EPM2A: variants seen among roughly 807,000 people sequenced by gnomAD.
The protein encoded by EPM2A is laforin.
Under a neutral mutation model 26.5 loss-of-function variants are expected in EPM2A, and 21 were observed. The observed-to-expected ratio is 0.79, with a 90% confidence interval of 0.56 to 1.14. EPM2A has a LOEUF of 1.14. Ranked by LOEUF, EPM2A falls within the 50% of genes most tolerant of loss-of-function variation. EPM2A has a pLI of 0.00. For synonymous variants in EPM2A, 217 were observed against 177.6 expected (o/e 1.22, Z -1.76); for missense variants, 458 against 440.8 (o/e 1.04, Z -0.35).
chr6:145,611,855 T>C (rs981472306), intron 2 of EPM2A, among the ~76,000 whole-genome samples: 2 of 152,144 alleles, frequency 1.3e-5, no homozygotes, highest in Non-Finnish European at 2.9e-5. Context: ...TGTTGAATTA[T>C]CTAGAAGAAG....
intron 2 of EPM2A, among the ~76,000 whole-genome samples, chr6:145,557,812 G>A (rs550645314): frequency 4.6e-5 from 7 of 152,136 alleles, no homozygotes; most frequent in Admixed American, 2.0e-4. Flanking sequence ...TAATCATCAT[G>A]TTGTACAATA....
At chr6:145,581,839 T>C (rs191334011) in intron 2 of EPM2A, among the ~76,000 whole-genome samples, 120 of 152,300 alleles carry the variant, frequency 7.9e-4, no homozygotes, top group Non-Finnish European at 1.5e-3. Flanking sequence ...TTCTATTTCA[T>C]TGTTCTACAG....
chr6:145,694,337 C>T (rs982239346), intron 1 of EPM2A, among the ~76,000 whole-genome samples: 1 of 152,000 alleles, frequency 6.6e-6, no homozygotes, highest in Non-Finnish European at 1.5e-5. Context: ...ATAGTCATTA[C>T]AAACTCTTCG....
chr6:145,455,147 G>A (rs764460281), intron 4 of EPM2A, among the ~76,000 whole-genome samples: 1 of 151,758 alleles, frequency 6.6e-6, no homozygotes, highest in Non-Finnish European at 1.5e-5. Flanking sequence ...TTAAAATTGT[G>A]TTGTGGTAAC....
At chr6:145,421,793 T>C (rs1778787496) in intron 4 of EPM2A, among the ~76,000 whole-genome samples, 1 of 151,506 alleles carries the variant, frequency 6.6e-6, no homozygotes, top group South Asian at 2.1e-4. Context: ...AAAAACAGGC[T>C]TTCAACAAGA....
At chr6:145,559,034 G>A (rs1780770041) in intron 2 of EPM2A, among the ~76,000 whole-genome samples, 1 of 152,130 alleles carries the variant, frequency 6.6e-6, no homozygotes, top group African/African-American at 2.4e-5. Flanking sequence ...CTGTGAGCCA[G>A]GAGCTGTCTG....
Position 145,474,170 on chromosome 6 carries a change from A to T in EPM2A, c.555+28352T>A, listed in dbSNP as rs1779511498. Among the ~76,000 whole-genome samples, 4 of 152,268 alleles carry T rather than the reference A, an allele frequency of 2.6e-5. No individual in the cohort carries two copies. The South Asian group carries it at 8.3e-4, about 32-fold the overall frequency. On this transcript the variant is annotated intron_variant, in intron 4 of 4. Coordinates refer to the EPM2A transcript ENST00000638717. ...TAGAAACAATAAAAAGTTAAAAAGT[A>T]GTGGGTATGGGACCAGCGTGGTGGC...
At position 145,662,064 on chromosome 6, in the gene EPM2A, T is replaced by G. The variant is rs552847625; in HGVS notation, c.476+24058A>C. Among the ~76,000 whole-genome samples the G allele has an allele frequency of 3.3e-5, 5 of 152,162 alleles. No homozygotes were observed. In the East Asian group the frequency reaches 9.7e-4, roughly 29 times the overall value. On this transcript the variant is annotated intron_variant, in intron 2 of 3. Transcript: ENST00000367519. ...AGAGCATGCTTGGAAAGGAAATGGG[T>G]TTTTGAAAAAACCATTTCCCCACCT...
intron 1 of EPM2A, among the ~76,000 whole-genome samples, chr6:145,733,902 G>C (rs927456124): frequency 2.7e-5 from 4 of 150,400 alleles, no homozygotes; most frequent in Non-Finnish European, 4.4e-5. Flanking sequence ...TCATTTCATT[G>C]ACTTCAACTA....
At chr6:145,474,297 A>C (rs1317983627) in intron 4 of EPM2A, among the ~76,000 whole-genome samples, 1 of 152,108 alleles carries the variant, frequency 6.6e-6, no homozygotes, top group Non-Finnish European at 1.5e-5. Context: ...CCCCATCTCT[A>C]CTAAAAATAC....
At chr6:145,450,898 T>C (rs1451449371) in intron 4 of EPM2A, among the ~76,000 whole-genome samples, 1 of 152,144 alleles carries the variant, frequency 6.6e-6, no homozygotes, top group Admixed American at 6.5e-5. Flanking sequence ...TTGTCTTTTT[T>C]TTTTCTTTTT....
chr6:145,631,245 T>C (rs1266773294), intron 3 of EPM2A: 2 of 152,052 alleles, frequency 1.3e-5, no homozygotes, highest in African/African-American at 4.8e-5. Context: ...AGGTTCATCT[T>C]GATGTACCCA....
chr6:145,390,625 C>T (rs1007898958), intron 4 of EPM2A, among the ~76,000 whole-genome samples: 2 of 151,870 alleles, frequency 1.3e-5, no homozygotes, highest in African/African-American at 4.8e-5. Context: ...TGCACAGACT[C>T]ATTCTCTATT....
At chr6:145,620,513 T>A (rs1775610455), downstream of EPM2A, among the ~76,000 whole-genome samples, 1 of 152,244 alleles carries the variant, frequency 6.6e-6, no homozygotes, top group Admixed American at 6.5e-5. Flanking sequence ...CATTTAATAT[T>A]AAGAAGGCAG....
intron 2 of EPM2A, chr6:145,640,662 T>G (rs994888014): frequency 6.6e-6 from 1 of 152,182 alleles, no homozygotes; most frequent in Non-Finnish European, 1.5e-5. Context: ...AATGAGAAAT[T>G]AAAATATGAA....
At chr6:145,407,946 AT>A (rs1388555343) in intron 4 of EPM2A, among the ~76,000 whole-genome samples, 1 of 152,218 alleles carries the variant, frequency 6.6e-6, no homozygotes, top group African/African-American at 2.4e-5. Context: ...TTTAAAGGTC[AT>A]TGACATAAGA....
At chr6:145,415,820 A>T (rs1778700456) in intron 4 of EPM2A, among the ~76,000 whole-genome samples, 1 of 152,174 alleles carries the variant, frequency 6.6e-6, no homozygotes. Context: ...AGAGAACTGC[A>T]TCCCCCGAGT....
intron 2 of EPM2A, among the ~76,000 whole-genome samples, chr6:145,583,771 A>T (rs529700546): frequency 1.3e-5 from 2 of 152,358 alleles, no homozygotes; most frequent in Admixed American, 1.3e-4. Context: ...CAGAGTGCCC[A>T]CATGTCAGCA....
chr6:145,575,752 T>C (rs1043806877), intron 2 of EPM2A, among the ~76,000 whole-genome samples: 6 of 152,210 alleles, frequency 3.9e-5, no homozygotes, highest in Non-Finnish European at 8.8e-5. Flanking sequence ...ACTATCAGTG[T>C]TCTCCATACT....
Sources: gnomAD v4.1 joint callset for allele counts (sites outside exome capture counted in the v4.1 genomes callset) on GRCh38, gnomAD v4.1.1 for gene constraint, MANE v1.5 for transcripts, NCBI Gene and HGNC (gene_info 2026-07-23, HGNC 2026-07-21) for gene names.